GMIP: variants seen among roughly 807,000 people sequenced by gnomAD.
GMIP encodes GEM-interacting protein.
Under a neutral mutation model 105.3 loss-of-function variants are expected in GMIP, and 54 were observed. That is an observed-to-expected ratio of 0.51 (90% confidence interval 0.41 to 0.64). The LOEUF (loss-of-function observed/expected upper bound fraction) is 0.64. Ranked by LOEUF, GMIP falls within the 30% of genes least tolerant of loss-of-function variation. The probability of loss-of-function intolerance (pLI) is 0.00; values close to 1 mark genes in which losing one functional copy is unlikely to be tolerated. For synonymous variants in GMIP, 541 were observed against 560.8 expected (o/e 0.96, Z 0.50); for missense variants, 1,110 against 1,319.4 (o/e 0.84, Z 2.46).
rs199758418 is a variant in GMIP at position 19,638,219 on chromosome 19, C to T, written c.729G>A (p.Ser243=). ...GCTCCTGCTGCTTGCTAGGTCCCGG[C>T]GAGGCCTGGGGGGCCGAGTCCTCAG... ...GSPEDSAPQA[S]PGPSKQQERR... is the part of the protein sequence containing the mutation. Residue 243 remains serine (S), a synonymous_variant, in exon 9 of 21, where the codon TCG becomes TCA. Coordinates refer to ENST00000203556, the MANE Select transcript of GMIP (RefSeq NM_016573.4). 1.3e-6 allele frequency: 2 copies of T among 1,598,738 alleles called. No individual in the cohort carries two copies. The highest frequency in any genetic ancestry group is 1.1e-5 in the South Asian group (1 of 90,642).
intron 1 of GMIP, 125 bp from the exon 2 acceptor site, chr19:19,642,744 G>T (rs1013767302): frequency 7.6e-6 from 4 of 523,662 alleles, no homozygotes; most frequent in Admixed American, 2.9e-5. Context: ...GAGAGGGCTG[G>T]GGGGGGCTTG....
Position 19,643,622 on chromosome 19 carries a change from C to T in GMIP, c.-93G>A. ...CCCCGATTTCCTGCCGCCGCAGCCG[C>T]CGCCGCCGCCTCGGTTCCGCGTCGC... On this transcript the variant is annotated 5_prime_UTR_variant, in exon 1 of 21. Coordinates refer to ENST00000203556, the MANE Select transcript of GMIP (RefSeq NM_016573.4). 1 of 1,131,240 alleles carries T rather than the reference C, an allele frequency of 8.8e-7. No individual in the cohort carries two copies. The highest frequency in any genetic ancestry group is 1.6e-5 in the African/African-American group (1 of 61,606). 70.1% of individuals were successfully genotyped at this position (1,131,240 alleles called of 1,614,324 possible).
At chr19:19,643,231 C>G in intron 1 of GMIP, 1 of 435,438 alleles carries the variant, frequency 2.3e-6, no homozygotes, top group East Asian at 3.7e-5. Flanking sequence ...TGGCACCCTG[C>G]CCCCATCACA....
intron 2 of GMIP, 57 bp downstream of exon 2, chr19:19,642,478 G>A (rs1337573873): frequency 1.9e-5 from 20 of 1,064,444 alleles, no homozygotes; most frequent in Middle Eastern, 2.0e-4. Flanking sequence ...GCACCTAAAT[G>A]GTTAGGGGCT....
At chr19:19,640,967 A>C (rs1386916790) in intron 4 of GMIP, among the ~76,000 whole-genome samples, 1 of 150,484 alleles carries the variant, frequency 6.6e-6, no homozygotes. Context: ...AGGTTTCTCT[A>C]TGTTGGTCAG....
At position 19,630,055 on chromosome 19, in the gene GMIP, C is replaced by T. The variant is rs1178026852; in HGVS notation, c.2821G>A (p.Ala941Thr). The T allele has an allele frequency of 6.2e-7, 1 of 1,609,668 alleles. No individual in the cohort carries two copies. The highest frequency in any genetic ancestry group is 8.5e-7 in the Non-Finnish European group (1 of 1,178,278). The change falls in exon 21 of 21, where the codon GCC (alanine) becomes ACC (threonine). Residue 941 changes from alanine (A) to threonine (T), a missense_variant. By Grantham distance (58) the Ala-to-Thr change is moderately conservative (BLOSUM62 0). This residue lies in a region of GMIP where 394 missense variants were observed against 450.5 expected (regional missense o/e 0.87). Transcript: ENST00000203556. This position sits in a 1 kb window ranked among gnomAD's most constrained non-coding sequence, Gnocchi z 4.8. ...CTGTCCAATTTCGAGAGTAGCCGGG[C>T]TGTCTCCTGGGTAATCTCAAAATGC... ...PKHFEITQETARLLSKLDSEA... is the reference protein window; with the variant it reads ...PKHFEITQETTRLLSKLDSEA...
At position 19,629,546 on chromosome 19, in the gene GMIP, C is replaced by T. The variant is rs938499806; in HGVS notation, c.*417G>A. 1.6e-5 allele frequency: 3 copies of T among 187,512 alleles called. No individual in the cohort carries two copies. The highest frequency in any genetic ancestry group is 5.3e-5 in the Admixed American group (1 of 18,762). The allele number at this position is 187,512 out of a possible 1,614,324, so 11.6% of individuals were successfully genotyped here. On this transcript the variant is annotated 3_prime_UTR_variant, in exon 21 of 21. Coordinates refer to ENST00000203556, the MANE Select transcript of GMIP (RefSeq NM_016573.4). Reference sequence around the variant, plus strand: ...AGCATGTGGAGTCTGAGCTGCCCACCTCCTCCAGGAAGGTCACTTCGAGTC... The same window carrying T: ...AGCATGTGGAGTCTGAGCTGCCCACTTCCTCCAGGAAGGTCACTTCGAGTC...
chr19:19,642,742 TG>T lies in GMIP; in HGVS notation c.20-124del, dbSNP rs200958565. 525 of 359,146 alleles carry T rather than the reference TG, an allele frequency of 1.5e-3. 10 individuals carry two copies. Among genetic ancestry groups the T allele is most frequent in the South Asian group, 0.014 (386 of 28,134 alleles). The allele number at this position is 359,146 out of a possible 1,614,324, so 22.2% of individuals were successfully genotyped here. On this transcript the variant is annotated intron_variant, in intron 1 of 20. Transcript: ENST00000203556. ...AGAGTGAGAGAGAGAAAGAGAGGGC[TG>T]GGGGGGGCTTGGTTGGGGCCAACTC...
chr19:19,632,314 C>G (rs1445063751), intron 19 of GMIP, among the ~76,000 whole-genome samples: 1 of 143,378 alleles, frequency 7.0e-6, no homozygotes, highest in Non-Finnish European at 1.5e-5. Flanking sequence ...AGGATTCCAA[C>G]TGCGGCCGGG....
chr19:19,643,335 G>T lies in GMIP; in HGVS notation c.19+176C>A, dbSNP rs79244208. The T allele has an allele frequency of 1.2e-3, 624 of 512,358 alleles. 8 individuals are homozygous for T. In the East Asian group the frequency reaches 0.021, roughly 17 times the overall value. The allele number at this position is 512,358 out of a possible 1,614,324, so 31.7% of individuals were successfully genotyped here. The stretch of plus-strand genomic sequence containing the variant: ...TCAAAAGGGGGAGGGGGAGTGAAGG[G>T]CTGGGGTCCTGAACCCATCCGGGCA... On this transcript the variant is annotated intron_variant, in intron 1 of 20. Transcript: ENST00000203556.
At position 19,630,181 on chromosome 19, in the gene GMIP, G is replaced by A. The variant is rs1411029508; in HGVS notation, c.2695C>T (p.Pro899Ser). The A allele has an allele frequency of 2.5e-6, 4 of 1,603,320 alleles. No homozygotes were observed. The highest frequency in any genetic ancestry group is 1.7e-5 in the Admixed American group (1 of 59,288). Residue 899 changes from proline to serine, a missense_variant, in exon 21 of 21, where the codon CCC (proline) becomes TCC (serine). By Grantham distance (74) the Pro-to-Ser change is moderately conservative. Transcript: ENST00000203556. This position sits in a 1 kb window ranked among gnomAD's most constrained non-coding sequence, Gnocchi z 4.8. ...CTCCCTCTGGGCACTGATGTGATGGGGGTCTCCTCGCACAGCTTGGAAGCC... is the reference window on the plus strand; with the variant it reads ...CTCCCTCTGGGCACTGATGTGATGGAGGTCTCCTCGCACAGCTTGGAAGCC... The part of the protein sequence containing the change: ...LVASKLCEET[P>S]ITSVPRGSLR...
chr19:19,640,548 T>C lies in GMIP; in HGVS notation c.262A>G (p.Ile88Val), dbSNP rs771182511. Reference protein sequence around the residue: ...LTGEELDLRLIRTKGGVDAAL... With the variant: ...LTGEELDLRLVRTKGGVDAAL... ...GCGTCCACACCCCCCTTTGTCCGAA[T>C]GAGCCGCAAGTCCAGTTCCTCCCCT... is the stretch of plus-strand genomic sequence containing the variant. The change falls in exon 5 of 21, where the codon ATT becomes GTT. Residue 88 changes from isoleucine to valine, a missense_variant. Ile to Val is a conservative substitution (Grantham distance 29, BLOSUM62 3). Around this residue, in one of 3 missense-constraint regions of GMIP, gnomAD observed 667 missense variants for 773.2 expected, o/e 0.86. Transcript: ENST00000203556. 5 of 1,614,028 alleles carry C rather than the reference T, an allele frequency of 3.1e-6. No individual in the cohort carries two copies. The highest frequency in any genetic ancestry group is 4.2e-6 in the Non-Finnish European group (5 of 1,179,984).
At position 19,642,038 on chromosome 19, in the gene GMIP, G is replaced by A; in HGVS notation, c.118C>T (p.Leu40=). 6.2e-7 allele frequency: 1 copy of A among 1,612,442 alleles called. No homozygotes were observed. Among genetic ancestry groups the A allele is most frequent in the Non-Finnish European group, 8.5e-7 (1 of 1,178,612 alleles). The change falls in exon 3 of 21, where the codon CTG becomes TTG. Residue 40 remains leucine, a synonymous_variant. Transcript: ENST00000203556. ...ISLGNVTLEM[L]AGDPLLSEDP... is the part of the protein sequence containing the mutation. ...TCTGAGAGTAGAGGGTCTCCAGCCA[G>A]CATCTCAAGGGTCCTGGGGGATAAA...
At chr19:19,642,322 G>A (rs1177589176) in intron 2 of GMIP, among the ~76,000 whole-genome samples, 1 of 152,054 alleles carries the variant, frequency 6.6e-6, no homozygotes. Context: ...GGATATGTAG[G>A]GGTTCTAGGA....
rs1041627176 is a variant in GMIP at position 19,630,646 on chromosome 19, C to T, written c.2473-109G>A. The T allele has an allele frequency of 1.1e-6, 1 of 928,440 alleles. No individual in the cohort carries two copies. Among genetic ancestry groups the T allele is most frequent in the African/African-American group, 1.6e-5 (1 of 61,586 alleles). The allele number at this position is 928,440 out of a possible 1,614,324, so 57.5% of individuals were successfully genotyped here. A position where few individuals can be genotyped will look rare whatever the true frequency, so the allele number is the denominator to read the frequency against. ...GGACATGCAAAAGGAATAGCCAGTG[C>T]AAAGGCCCTGAGGTAGGAGCATGCC... On this transcript the variant is annotated intron_variant, in intron 19 of 20. Transcript: ENST00000203556. The surrounding 1 kb of genome is among the most constrained non-coding windows in gnomAD (Gnocchi z 4.8).
chr19:19,641,715 A>C, intron 4 of GMIP, 95 bp downstream of exon 4: 1 of 939,718 alleles, frequency 1.1e-6, no homozygotes. Context: ...CCCAAAACCT[A>C]AACGATGCCT....
Position 19,636,760 on chromosome 19 carries a change from C to A in GMIP, c.1274G>T (p.Ser425Ile), listed in dbSNP as rs1211318398. The A allele has an allele frequency of 6.2e-7, 1 of 1,613,526 alleles. No homozygotes were observed. The highest frequency in any genetic ancestry group is 2.2e-5 in the East Asian group (1 of 44,854). Residue 425 changes from serine to isoleucine, a missense_variant, in exon 13 of 21, where the codon AGC becomes ATC. Physicochemically the swap from Ser to Ile is moderately radical, Grantham distance 142 (BLOSUM62 -2). Transcript: ENST00000203556. ...PGPTPGSDVD[S>I]VGGGSESRSL... is the part of the protein sequence containing the mutation. ...CCGAGACTCGCTGCCGCCACCCACG[C>A]TGTCCACATCGCTGCCCGGAGTGGG...
At chr19:19,633,502 C>T (rs1338394960) in intron 19 of GMIP, among the ~76,000 whole-genome samples, 9 of 152,186 alleles carry the variant, frequency 5.9e-5, no homozygotes, top group African/African-American at 2.2e-4. Context: ...ATATTTAGCT[C>T]CTGGATGTAT....
chr19:19,641,613 T>C (rs2061919866), intron 4 of GMIP, among the ~76,000 whole-genome samples, 197 bp downstream of exon 4: 2 of 152,218 alleles, frequency 1.3e-5, no homozygotes, highest in Admixed American at 6.5e-5. Context: ...CACGAATTCC[T>C]GGCTTCAAGT....
Sources: allele counts gnomAD v4.1 joint callset (sites outside exome capture counted in the v4.1 genomes callset), GRCh38; gene constraint gnomAD v4.1.1; regional missense constraint gnomAD v4.1.1; non-coding constraint Gnocchi (gnomAD v3.1); transcripts MANE v1.5; gene names NCBI Gene and HGNC (gene_info 2026-07-23, HGNC 2026-07-21).